Variants in NOS2 observed in about 807,000 individuals in gnomAD.
NOS2 encodes nitric oxide synthase, inducible.
A neutral mutation model predicts 136.0 loss-of-function variants in NOS2; 96 were observed. The ratio of observed to expected loss-of-function variants is 0.71; its 90% CI spans 0.60 to 0.84. NOS2 has a LOEUF of 0.84. NOS2 is among the 40% of genes least tolerant of loss of function. The probability of loss-of-function intolerance (pLI) is 0.00; values close to 1 mark genes in which losing one functional copy is unlikely to be tolerated. For synonymous variants in NOS2, 539 were observed against 587.5 expected, an observed-to-expected ratio of 0.92 and a Z score of 1.20; for missense variants, 1,237 against 1,496.9, an observed-to-expected ratio of 0.83 and a Z score of 2.87.
chr17:27,778,963 C>T lies in NOS2; in HGVS notation c.1098G>A (p.Gly366=). 3 of 1,613,068 alleles carry T rather than the reference C, an allele frequency of 1.9e-6. No individual in the cohort carries two copies. Among genetic ancestry groups the T allele is most frequent in the Non-Finnish European group, 2.5e-6 (3 of 1,179,238 alleles). ...LLEVGGLEFP[G]CPFNGWYMGT... ...CCATGTACCAGCCATTGAAGGGGCACCCTGGGAACTCCAGGCCGCCCACCT... is the reference window on the plus strand; with the variant it reads ...CCATGTACCAGCCATTGAAGGGGCATCCTGGGAACTCCAGGCCGCCCACCT... The change falls in exon 10 of 27, where the codon GGG becomes GGA. Residue 366 remains glycine, a synonymous_variant. Transcript: ENST00000313735.
At position 27,757,273 on chromosome 17, in the gene NOS2, G is replaced by A. The variant is rs1597540612; in HGVS notation, c.3435C>T (p.Pro1145=). 1.9e-6 allele frequency: 3 copies of A among 1,613,984 alleles called. No individual in the cohort carries two copies. In the East Asian group the frequency reaches 6.7e-5, roughly 36 times the overall value. ...EAKKDRVAVQ[P]SSLEMSAL Reference sequence around the variant, plus strand: ...AGAGCGCTGACATCTCCAGGCTGCTGGGCTGCACCGCCACCCTGTCCTTCT... The same window carrying A: ...AGAGCGCTGACATCTCCAGGCTGCTAGGCTGCACCGCCACCCTGTCCTTCT... Residue 1145 remains proline, a synonymous_variant, in exon 27 of 27, where the codon CCC becomes CCT. Coordinates refer to ENST00000313735, the MANE Select transcript of NOS2 (RefSeq NM_000625.4).
At chr17:27,759,659 G>A (rs552337200) in intron 25 of NOS2, among the ~76,000 whole-genome samples, 4 of 152,256 alleles carry the variant, frequency 2.6e-5, no homozygotes, top group African/African-American at 9.6e-5. Flanking sequence ...GGGGACAGAA[G>A]AGCCCCTCTG....
rs746034121 is a variant in NOS2, at chr17:27,765,539, C to G, written c.2424G>C (p.Glu808Asp). 6.3e-7 allele frequency: 1 copy of G among 1,597,530 alleles called. No homozygotes were observed. Residue 808 changes from glutamate to aspartate, a missense_variant, in exon 20 of 27, where the codon GAG becomes GAC. Around this residue, in one of 3 missense-constraint regions of NOS2, gnomAD observed 782 missense variants for 909.9 expected, o/e 0.86. Transcript: ENST00000313735. ...GCTTTCTAGCCCGGGGCTCACCACT[C>G]TCATCCAGGGCCTCCAGGCGCACTG... is the stretch of plus-strand genomic sequence containing the variant. ...HQTVRLEALD[E>D]SGSYWVSDKR...
chr17:27,794,707 C>T (rs1909297128), intron 2 of NOS2, among the ~76,000 whole-genome samples: 1 of 135,798 alleles, frequency 7.4e-6, no homozygotes, highest in Admixed American at 7.5e-5. Context: ...TGCGTACACA[C>T]ACACGCGCAC....
At chr17:27,768,443 C>CA (rs1326486209) in intron 17 of NOS2, among the ~76,000 whole-genome samples, 1 of 152,176 alleles carries the variant, frequency 6.6e-6, no homozygotes, top group East Asian at 1.9e-4. Context: ...TGTGGAGCCA[C>CA]ATGGAGGAGG....
Position 27,768,980 on chromosome 17 carries a change from G to A in NOS2, c.2031C>T (p.Phe677=). The part of the protein sequence containing the change: ...DAFRSWAVQT[F]KAACETFDVR... ...GCAGCTCTGGCTGGGAACTGACCTT[G>A]AAGGTTTGCACGGCCCAGCTGCGGA... The change falls in exon 17 of 27, where the codon TTC becomes TTT. Residue 677 remains phenylalanine, a synonymous_variant. Transcript: ENST00000313735. The A allele has an allele frequency of 1.9e-6, 3 of 1,602,116 alleles. No individual in the cohort carries two copies. The highest frequency in any genetic ancestry group is 2.6e-6 in the Non-Finnish European group (3 of 1,174,094).
rs762917503 is a variant in NOS2, at chr17:27,767,763, G to A, written c.2109C>T (p.Thr703=). The part of the protein sequence containing the change: ...QIPKLYTSNV[T]WDPHHYRLVQ... ...CGAGCCTGTAGTGGTGCGGGTCCCA[G>A]GTCACATTGGAGGTGTAGAGCTTGG... is the stretch of plus-strand genomic sequence containing the variant. The change falls in exon 18 of 27, where the codon ACC becomes ACT. Residue 703 remains threonine, a synonymous_variant. Transcript: ENST00000313735. 1.9e-6 allele frequency: 3 copies of A among 1,613,298 alleles called. No homozygotes were observed. The South Asian group carries it at 3.3e-5, about 18-fold the overall frequency.
At chr17:27,768,844 G>A (rs1908395574) in intron 17 of NOS2, 133 bp downstream of exon 17, 1 of 999,602 alleles carries the variant, frequency 1.0e-6, no homozygotes, top group Non-Finnish European at 1.4e-6. Flanking sequence ...TGTGGCCCTG[G>A]CCCATGCCTG....
chr17:27,771,336 T>C (rs1239338445), intron 14 of NOS2, among the ~76,000 whole-genome samples: 1 of 152,240 alleles, frequency 6.6e-6, no homozygotes, highest in Non-Finnish European at 1.5e-5. Flanking sequence ...ATTTTGTGTG[T>C]GTGGAAATAT....
Position 27,758,917 on chromosome 17 carries a change from A to C in NOS2, c.3318T>G (p.Asn1106Lys), listed in dbSNP as rs781611875. Reference sequence around the variant, plus strand: ...AGAAATAGTCCTCGACCTGCTCCTCATTCAATTTCAGCTTGGCAGCCACCA... The same window carrying C: ...AGAAATAGTCCTCGACCTGCTCCTCCTTCAATTTCAGCTTGGCAGCCACCA... ...KQLVAAKLKLNEEQVEDYFFQ... is the reference protein window; with the variant it reads ...KQLVAAKLKLKEEQVEDYFFQ... Residue 1106 changes from asparagine (N) to lysine (K), a missense_variant, in exon 26 of 27, where the codon AAT (asparagine) becomes AAG (lysine). Physicochemically the swap from Asn to Lys is moderately conservative, Grantham distance 94. Around this residue, in one of 3 missense-constraint regions of NOS2, gnomAD observed 782 missense variants for 909.9 expected, o/e 0.86. Transcript: ENST00000313735. 4 of 1,610,294 alleles carry C rather than the reference A, an allele frequency of 2.5e-6. No individual in the cohort carries two copies. The South Asian group carries it at 4.4e-5, about 18-fold the overall frequency.
At chr17:27,773,814 G>C (rs1908575568) in intron 12 of NOS2, among the ~76,000 whole-genome samples, 1 of 152,212 alleles carries the variant, frequency 6.6e-6, no homozygotes, top group African/African-American at 2.4e-5. Flanking sequence ...CCAGCTTTGT[G>C]ATCCACACAA....
At chr17:27,768,412 T>C (rs1334525175) in intron 17 of NOS2, among the ~76,000 whole-genome samples, 2 of 152,208 alleles carry the variant, frequency 1.3e-5, no homozygotes, top group African/African-American at 4.8e-5. Context: ...GGAAGAGGTC[T>C]GATTGCTCTT....
chr17:27,771,762 G>A (rs757561549), intron 14 of NOS2, among the ~76,000 whole-genome samples: 6 of 152,244 alleles, frequency 3.9e-5, no homozygotes, highest in Non-Finnish European at 8.8e-5. Flanking sequence ...CAGGGCGCTG[G>A]GAGGGGAGGG....
chr17:27,795,096 T>A (rs766608187), intron 2 of NOS2, among the ~76,000 whole-genome samples: 5 of 152,030 alleles, frequency 3.3e-5, no homozygotes, highest in Admixed American at 6.6e-5. Context: ...CTACACTCCA[T>A]CCCACCTACT....
At chr17:27,775,285 C>T (rs1342967079) in intron 11 of NOS2, among the ~76,000 whole-genome samples, 1 of 151,994 alleles carries the variant, frequency 6.6e-6, no homozygotes, top group Non-Finnish European at 1.5e-5. Context: ...CATGGTGAGA[C>T]CCTGTCTCTA....
rs148016612 is a variant in NOS2 at position 27,781,128 on chromosome 17, G to A, written c.772C>T (p.Arg258Trp). ...PQRSDGKHDFRVWNAQLIRYA... is the reference protein window; with the variant it reads ...PQRSDGKHDFWVWNAQLIRYA... ...CGGATGAGCTGAGCATTCCACACCC[G>A]GAAGTCGTGCTTGCCATCACTCCGC... is the stretch of plus-strand genomic sequence containing the variant. The change falls in exon 8 of 27, where the codon CGG (arginine) becomes TGG (tryptophan). Residue 258 changes from arginine (R) to tryptophan (W), a missense_variant. This residue lies in a region of NOS2 where 440 missense variants were observed against 545.4 expected (regional missense o/e 0.81). Coordinates refer to ENST00000313735, the MANE Select transcript of NOS2 (RefSeq NM_000625.4). 20 of 1,612,466 alleles carry A rather than the reference G, an allele frequency of 1.2e-5. No individual in the cohort carries two copies. The highest frequency in any genetic ancestry group is 3.3e-5 in the Admixed American group (2 of 60,008).
chr17:27,778,721 T>G lies in NOS2; in HGVS notation c.1250A>C (p.Glu417Ala), dbSNP rs754952177. The change falls in exon 11 of 27, where the codon GAG (glutamate) becomes GCG (alanine). Residue 417 changes from glutamate to alanine, a missense_variant. This residue lies in a region of NOS2 where 440 missense variants were observed against 545.4 expected (regional missense o/e 0.81). Transcript: ENST00000313735. Reference sequence around the variant, plus strand: ...ACTATGGAGCACAGCAATGTTGATCTCAACGACAGCCTGGTCTTTCCAGAG... The same window carrying G: ...ACTATGGAGCACAGCAATGTTGATCGCAACGACAGCCTGGTCTTTCCAGAG... ...ASLWKDQAVV[E>A]INIAVLHSFQ... The G allele has an allele frequency of 6.2e-7, 1 of 1,614,212 alleles. No individual in the cohort carries two copies. The highest frequency in any genetic ancestry group is 1.1e-5 in the South Asian group (1 of 91,084).
At chr17:27,774,767 T>C (rs757010572) in intron 11 of NOS2, among the ~76,000 whole-genome samples, 6 of 152,154 alleles carry the variant, frequency 3.9e-5, no homozygotes, top group Non-Finnish European at 5.9e-5. Context: ...AGCAAATGGC[T>C]CTCTCTGGAT....
chr17:27,781,904 TGGTTTCTCCTG>T, intron 7 of NOS2, 100 bp downstream of exon 7: 1 of 524,090 alleles, frequency 1.9e-6, no homozygotes, highest in South Asian at 2.3e-5. Context: ...TCTTTCTCCC[TGGTTTCTCCTG>T]GAGCTGGAGA....
Sources: allele counts gnomAD v4.1 joint callset (sites outside exome capture counted in the v4.1 genomes callset), GRCh38; gene constraint gnomAD v4.1.1; regional missense constraint gnomAD v4.1.1; transcripts MANE v1.5; gene names NCBI Gene and HGNC (gene_info 2026-07-23, HGNC 2026-07-21).